PXDNL: variants seen among roughly 807,000 people sequenced by gnomAD.
PXDNL encodes the protein peroxidasin like.
PXDNL carries 145 observed loss-of-function variants against 150.8 expected under a neutral mutation model. That is an observed-to-expected ratio of 0.96 (90% CI 0.84 to 1.10). The LOEUF (loss-of-function observed/expected upper bound fraction) is 1.10. Ranked by LOEUF, PXDNL falls within the 50% of genes least tolerant of loss-of-function variation. The pLI, the probability that PXDNL is intolerant of heterozygous loss-of-function variation, is 0.00. For missense variants in PXDNL, 2,087 were observed against 1,873.9 expected (o/e 1.11, Z -2.10); for synonymous variants, 757 against 725.7 (o/e 1.04, Z -0.69).
rs138766265 is a variant in PXDNL at position 51,670,055 on chromosome 8, G to C, written c.165-15295C>G. On this transcript the variant is annotated intron_variant, in intron 1 of 22. Transcript: ENST00000356297. ...AGTTCTAGACCAGCCTGGCCAACAT[G>C]GTGAAACCCCATCTCTACTAAAAAT... 3.9e-5 allele frequency among the ~76,000 whole-genome samples: 6 copies of C among 152,190 alleles called. No individual in the cohort carries two copies. The East Asian group carries it at 1.2e-3, about 29-fold the overall frequency.
At chr8:51,693,189 A>C (rs1816036668) in intron 1 of PXDNL, among the ~76,000 whole-genome samples, 1 of 152,232 alleles carries the variant, frequency 6.6e-6, no homozygotes, top group Non-Finnish European at 1.5e-5. Flanking sequence ...GCAGACAATA[A>C]GAAAATCTTT....
chr8:51,567,250 G>T (rs1247386377), intron 3 of PXDNL, among the ~76,000 whole-genome samples: 1 of 151,692 alleles, frequency 6.6e-6, no homozygotes. Flanking sequence ...GTGTATTTCT[G>T]TTGTCACTGG....
In PXDNL at chr8:51,467,189, C is replaced by A. The variant is rs1366554890; in HGVS notation, c.812+4998G>T. Among the ~76,000 whole-genome samples the A allele has an allele frequency of 2.6e-5, 4 of 152,110 alleles. 1 individual carries two copies. The highest frequency in any genetic ancestry group is 9.7e-5 in the African/African-American group (4 of 41,436). On this transcript the variant is annotated intron_variant, in intron 8 of 22. Transcript: ENST00000356297. ...TAAAGAAAATGTACTACATACACAC[C>A]TTGGAATACTGTGCAGCCATAAAAA...
intron 17 of PXDNL, among the ~76,000 whole-genome samples, chr8:51,406,120 G>T (rs1436802194): frequency 2.0e-5 from 3 of 152,198 alleles, no homozygotes; most frequent in South Asian, 2.1e-4. Context: ...GATTTAGGAG[G>T]AATTTGGGAC....
In PXDNL at chr8:51,409,210, T is replaced by C; in HGVS notation, c.2414A>G (p.His805Arg). 3 of 1,576,740 alleles carry C rather than the reference T, an allele frequency of 1.9e-6. 1 individual carries two copies. Among genetic ancestry groups the C allele is most frequent in the Non-Finnish European group, 2.6e-6 (3 of 1,166,712 alleles). ...GTCGTGCTCTAGAAACCAGCCCCAG[T>C]GCATGAGCATGCGCGTGTAGCTGTG... ...PDHSYTRMLM[H>R]WGWFLEHDLD... The change falls in exon 17 of 23, where the codon CAC (histidine) becomes CGC (arginine). Residue 805 changes from histidine (H) to arginine (R), a missense_variant. His to Arg is a conservative substitution (Grantham distance 29). Transcript: ENST00000356297.
intron 2 of PXDNL, among the ~76,000 whole-genome samples, chr8:51,614,365 G>C (rs552621303): frequency 6.6e-6 from 1 of 152,118 alleles, no homozygotes; most frequent in African/African-American, 2.4e-5. Context: ...CTTGTAACAC[G>C]CAGCTGAGTC....
chr8:51,338,182 CAAA>C (rs757946882), intron 21 of PXDNL, among the ~76,000 whole-genome samples: 3 of 89,996 alleles, frequency 3.3e-5, no homozygotes, highest in Admixed American at 1.2e-4. Flanking sequence ...GACTCCATCT[CAAA>C]AAAAAAAAAA....
At chr8:51,608,042 AAAGAAAGAAAGAAAGCAAGCAAGCAAGC>A (rs1563481726) in intron 2 of PXDNL, among the ~76,000 whole-genome samples, 3,526 of 133,052 alleles carry the variant, frequency 0.027, 499 homozygotes, top group African/African-American at 0.099. Context: ...AGAAAGAAAG[AAAGAAAGAAAGAAAGCAAGCAAGCAAGC>A]AAGCAAGCAA....
chr8:51,766,382 T>A (rs1381163208), intron 1 of PXDNL, among the ~76,000 whole-genome samples: 1 of 152,236 alleles, frequency 6.6e-6, no homozygotes, highest in Non-Finnish European at 1.5e-5. Context: ...AGAAACAAGT[T>A]ACTAGCAAAA....
At position 51,439,407 on chromosome 8, in the gene PXDNL, CAAAAAAAT is replaced by C. The variant is rs573806481; in HGVS notation, c.1525+7589_1525+7596del. On this transcript the variant is annotated intron_variant, in intron 12 of 22. Transcript: ENST00000356297. ...TTACTCCTGCAAGAATGGCCATAAT[CAAAAAAAT>C]AAAAAAATAATAGATGTTGGCATGG... is the stretch of plus-strand genomic sequence containing the variant. 1.6e-4 allele frequency among the ~76,000 whole-genome samples: 24 copies of C among 151,536 alleles called. No individual in the cohort carries two copies. The East Asian group carries it at 4.5e-3, about 28-fold the overall frequency.
intron 19 of PXDNL, among the ~76,000 whole-genome samples, chr8:51,367,384 A>C (rs2130770586): frequency 6.6e-6 from 1 of 152,306 alleles, no homozygotes; most frequent in South Asian, 2.1e-4. Flanking sequence ...GAGATAATTA[A>C]GTTTTTACTC....
intron 17 of PXDNL, among the ~76,000 whole-genome samples, chr8:51,387,321 A>G (rs540680259): frequency 6.6e-6 from 1 of 152,338 alleles, no homozygotes; most frequent in South Asian, 2.1e-4. Context: ...AACTATGGTA[A>G]TAGAGCCATG....
chr8:51,757,900 T>C (rs2037119342), intron 1 of PXDNL, among the ~76,000 whole-genome samples: 1 of 151,524 alleles, frequency 6.6e-6, no homozygotes, highest in Admixed American at 6.6e-5. Flanking sequence ...TTATTCTAAG[T>C]GATCTAAAGA....
intron 19 of PXDNL, among the ~76,000 whole-genome samples, chr8:51,347,550 C>G (rs563463629): frequency 1.3e-5 from 2 of 152,232 alleles, no homozygotes; most frequent in East Asian, 3.9e-4. Flanking sequence ...CAATTAAAAA[C>G]GTCTTTATTT....
At chr8:51,725,737 T>A (rs1006195264) in intron 1 of PXDNL, among the ~76,000 whole-genome samples, 1 of 152,240 alleles carries the variant, frequency 6.6e-6, no homozygotes, top group African/African-American at 2.4e-5. Flanking sequence ...TGATTGGGGA[T>A]AGAACCCAGT....
chr8:51,758,859 G>T (rs1208083389), intron 1 of PXDNL, among the ~76,000 whole-genome samples: 1 of 152,172 alleles, frequency 6.6e-6, no homozygotes, highest in Non-Finnish European at 1.5e-5. Context: ...ATGTGCTTGT[G>T]CTTTCTCTTA....
chr8:51,799,909 T>C (rs921687967), intron 1 of PXDNL, among the ~76,000 whole-genome samples: 1 of 152,166 alleles, frequency 6.6e-6, no homozygotes, highest in African/African-American at 2.4e-5. Context: ...CTCAAATATT[T>C]CTCATATCTG....
At chr8:51,686,851 GCAAA>G (rs1278928542) in intron 1 of PXDNL, among the ~76,000 whole-genome samples, 1 of 151,818 alleles carries the variant, frequency 6.6e-6, no homozygotes. Flanking sequence ...AAAGCAAAAG[GCAAA>G]CAATCTAAGA....
At chr8:51,475,185 A>G in intron 6 of PXDNL, 44 bp from the exon 7 acceptor site, 1 of 1,538,176 alleles carries the variant, frequency 6.5e-7, no homozygotes, top group South Asian at 1.2e-5. Flanking sequence ...AGGGACTATT[A>G]ATTTCTATGA....
Sources: gnomAD v4.1 joint callset for allele counts (sites outside exome capture counted in the v4.1 genomes callset) on GRCh38, gnomAD v4.1.1 for gene constraint, MANE v1.5 for transcripts, NCBI Gene and HGNC (gene_info 2026-07-23, HGNC 2026-07-21) for gene names.